DCC: variants seen among roughly 807,000 people sequenced by gnomAD.
DCC encodes the protein netrin receptor DCC.
In DCC, 58 loss-of-function variants were observed where a neutral mutation model predicts 172.5. The ratio of observed to expected loss-of-function variants is 0.34; its 90% CI spans 0.27 to 0.42. The LOEUF (loss-of-function observed/expected upper bound fraction) is 0.42, where lower values mean the gene tolerates loss of function less well. DCC is among the 10% of genes least tolerant of loss of function. The pLI is 1.00. For synonymous variants in DCC, 709 were observed against 644.5 expected (o/e 1.10, Z -1.52); for missense variants, 1,740 against 1,791.0 (o/e 0.97, Z 0.51).
chr18:52,657,581 C>T (rs1314086963), intron 1 of DCC, among the ~76,000 whole-genome samples: 1 of 152,146 alleles, frequency 6.6e-6, no homozygotes, highest in Non-Finnish European at 1.5e-5. Flanking sequence ...TGCCTGTCTG[C>T]TTCAAACAGA....
intron 7 of DCC, among the ~76,000 whole-genome samples, chr18:53,151,678 G>T (rs1361715582): frequency 1.3e-5 from 2 of 151,914 alleles, no homozygotes; most frequent in Non-Finnish European, 2.9e-5. Context: ...GAGATTTTAT[G>T]GAGTACATTA....
intron 2 of DCC, among the ~76,000 whole-genome samples, chr18:52,827,310 G>A (rs1237961144): frequency 6.6e-6 from 1 of 152,178 alleles, no homozygotes; most frequent in East Asian, 1.9e-4. Flanking sequence ...GCCTTTAATA[G>A]CTACATCCTG....
chr18:52,785,485 T>G (rs1460243133), intron 2 of DCC, among the ~76,000 whole-genome samples: 1 of 152,054 alleles, frequency 6.6e-6, no homozygotes, highest in East Asian at 1.9e-4. Context: ...TGTTAGAGAA[T>G]GTTGGATGAC....
At chr18:52,794,193 G>A (rs1385717414) in intron 2 of DCC, among the ~76,000 whole-genome samples, 1 of 152,008 alleles carries the variant, frequency 6.6e-6, no homozygotes, top group Non-Finnish European at 1.5e-5. Flanking sequence ...AACGTCGTTG[G>A]TATTTTGATG....
At chr18:52,535,017 C>A (rs1002874730) in intron 1 of DCC, among the ~76,000 whole-genome samples, 2 of 152,134 alleles carry the variant, frequency 1.3e-5, no homozygotes, top group Non-Finnish European at 2.9e-5. Flanking sequence ...CCATCTCCCC[C>A]TGTCAATGAG....
chr18:53,481,763 C>T (rs544558750), intron 25 of DCC, among the ~76,000 whole-genome samples: 1 of 152,082 alleles, frequency 6.6e-6, no homozygotes, highest in South Asian at 2.1e-4. Flanking sequence ...CTTTTGATTT[C>T]CTATAGGTAG....
At chr18:52,611,245 C>G (rs2034271422) in intron 1 of DCC, among the ~76,000 whole-genome samples, 1 of 152,102 alleles carries the variant, frequency 6.6e-6, no homozygotes. Flanking sequence ...TGGAAGAAAA[C>G]TCCCTCCCTG....
intron 2 of DCC, among the ~76,000 whole-genome samples, chr18:52,814,324 C>CTGAGATT (rs2038252283): frequency 6.6e-6 from 1 of 152,218 alleles, no homozygotes; most frequent in Non-Finnish European, 1.5e-5. Context: ...AGTAGCCTGA[C>CTGAGATT]TCCTGGAGAC....
chr18:53,389,918 T>C (rs180770458), intron 16 of DCC, among the ~76,000 whole-genome samples: 238 of 152,336 alleles, frequency 1.6e-3, no homozygotes, highest in Non-Finnish European at 2.2e-3. Context: ...CCAATAAAAC[T>C]GGATTAAGAA....
Position 53,016,484 on chromosome 18 carries a change from G to C in DCC, c.986-46821G>C, listed in dbSNP as rs1467021698. ...ATGATACATGTCCTTGAGAATTATGGTCAAATTTTAAATAAAAATAAAAAC... is the reference window on the plus strand; with the variant it reads ...ATGATACATGTCCTTGAGAATTATGCTCAAATTTTAAATAAAAATAAAAAC... On this transcript the variant is annotated intron_variant, in intron 5 of 28. Coordinates refer to ENST00000442544, the MANE Select transcript of DCC (RefSeq NM_005215.4). Among the ~76,000 whole-genome samples the C allele has an allele frequency of 3.9e-5, 6 of 151,976 alleles. No individual in the cohort carries two copies. The East Asian group carries it at 1.2e-3, about 29-fold the overall frequency.
chr18:52,767,077 T>A (rs2037265675), intron 2 of DCC, among the ~76,000 whole-genome samples: 1 of 151,860 alleles, frequency 6.6e-6, no homozygotes, highest in Admixed American at 6.6e-5. Context: ...CTGTTTCCCA[T>A]GCAAAGTTTG....
intron 7 of DCC, among the ~76,000 whole-genome samples, chr18:53,119,731 T>A (rs2043456641): frequency 1.3e-5 from 2 of 151,822 alleles, no homozygotes; most frequent in Non-Finnish European, 2.9e-5. Context: ...ATTATCACAT[T>A]GTTGTAGTTT....
chr18:53,225,289 G>A (rs974272083), intron 12 of DCC, among the ~76,000 whole-genome samples: 9 of 152,150 alleles, frequency 5.9e-5, no homozygotes, highest in Non-Finnish European at 2.9e-5. Flanking sequence ...GCCTTTAGGA[G>A]GTGGTAGGCT....
At chr18:53,169,904 G>T (rs1003467718) in intron 8 of DCC, among the ~76,000 whole-genome samples, 1 of 152,098 alleles carries the variant, frequency 6.6e-6, no homozygotes, top group African/African-American at 2.4e-5. Flanking sequence ...ATTTACTTTA[G>T]GTGGCTAGTG....
chr18:52,640,601 C>T (rs960453131), intron 1 of DCC, among the ~76,000 whole-genome samples: 3 of 151,736 alleles, frequency 2.0e-5, no homozygotes, highest in Non-Finnish European at 4.4e-5. Context: ...GAACTCAACC[C>T]TTTTTACAAT....
chr18:53,040,417 C>T (rs990291790), intron 5 of DCC, among the ~76,000 whole-genome samples: 1 of 151,896 alleles, frequency 6.6e-6, no homozygotes, highest in Non-Finnish European at 1.5e-5. Context: ...AACCGAAAAG[C>T]ATATGGAAGT....
intron 1 of DCC, among the ~76,000 whole-genome samples, chr18:52,627,103 T>C (rs911712418): frequency 2.0e-5 from 3 of 152,200 alleles, no homozygotes; most frequent in African/African-American, 7.2e-5. Flanking sequence ...TATAAGTAAG[T>C]TCCTATTTTA....
At chr18:53,456,015 CT>C (rs1384282415) in intron 23 of DCC, among the ~76,000 whole-genome samples, 3 of 152,206 alleles carry the variant, frequency 2.0e-5, no homozygotes, top group Admixed American at 2.0e-4. Context: ...GTTTGCTCCA[CT>C]TTCACTGAAG....
intron 1 of DCC, among the ~76,000 whole-genome samples, chr18:52,367,875 T>C (rs934066763): frequency 1.3e-5 from 2 of 152,220 alleles, no homozygotes; most frequent in Non-Finnish European, 2.9e-5. Flanking sequence ...CTTTCTGCAA[T>C]TGAGGCCCTT....
Sources: allele counts gnomAD v4.1 joint callset (sites outside exome capture counted in the v4.1 genomes callset), GRCh38; gene constraint gnomAD v4.1.1; transcripts MANE v1.5; gene names NCBI Gene and HGNC (gene_info 2026-07-23, HGNC 2026-07-21).